PEPD: variants seen among roughly 807,000 people sequenced by gnomAD.
PEPD encodes peptidase D.
In PEPD, 53 loss-of-function variants were observed where a neutral mutation model predicts 60.7. The ratio of observed to expected loss-of-function variants is 0.87; its 90% CI spans 0.70 to 1.10. The LOEUF is 1.10. Ranked by LOEUF, PEPD falls within the 50% of genes least tolerant of loss-of-function variation. The pLI is 0.00. For synonymous variants in PEPD, 267 were observed against 284.1 expected, an observed-to-expected ratio of 0.94 and a Z score of 0.60; for missense variants, 711 against 711.9, an observed-to-expected ratio of 1.00 and a Z score of 0.01.
chr19:33,414,635 C>T (rs1431423508), intron 9 of PEPD, among the ~76,000 whole-genome samples: 3 of 149,626 alleles, frequency 2.0e-5, no homozygotes, highest in Non-Finnish European at 4.4e-5. Context: ...CCCAAGGGCA[C>T]GCCACATGGC....
intron 11 of PEPD, among the ~76,000 whole-genome samples, chr19:33,402,349 A>G (rs1237110230): frequency 1.3e-5 from 2 of 152,190 alleles, no homozygotes; most frequent in Non-Finnish European, 2.9e-5. Context: ...TGTGGGAAGC[A>G]GAGGAGGAGG....
intron 9 of PEPD, among the ~76,000 whole-genome samples, chr19:33,423,189 C>A (rs539899298): frequency 6.6e-6 from 1 of 152,298 alleles, no homozygotes; most frequent in Admixed American, 6.5e-5. Flanking sequence ...ACTGTAGTAT[C>A]CCTCAAGAGA....
intron 7 of PEPD, among the ~76,000 whole-genome samples, chr19:33,469,238 C>T (rs1970076970): frequency 6.6e-6 from 1 of 152,188 alleles, no homozygotes; most frequent in South Asian, 2.1e-4. Context: ...ACTCCTCAGC[C>T]CTGTGCCCAC....
At chr19:33,455,117 CA>C (rs1470372911) in intron 9 of PEPD, among the ~76,000 whole-genome samples, 1 of 152,004 alleles carries the variant, frequency 6.6e-6, no homozygotes, top group East Asian at 1.9e-4. Flanking sequence ...AGGAGGAGGG[CA>C]TTAGGTAAAA....
chr19:33,452,156 T>TA (rs1969711051), intron 9 of PEPD, among the ~76,000 whole-genome samples: 1 of 152,212 alleles, frequency 6.6e-6, no homozygotes, highest in South Asian at 2.1e-4. Context: ...CTGCATTCTC[T>TA]AGCTCCAATG....
At chr19:33,436,017 G>A (rs924626887) in intron 9 of PEPD, among the ~76,000 whole-genome samples, 2 of 152,190 alleles carry the variant, frequency 1.3e-5, no homozygotes, top group African/African-American at 2.4e-5. Flanking sequence ...GCAGCCCAGG[G>A]CTCCCTCTGA....
chr19:33,456,639 T>C (rs958233152), intron 9 of PEPD, among the ~76,000 whole-genome samples: 1 of 152,100 alleles, frequency 6.6e-6, no homozygotes, highest in Non-Finnish European at 1.5e-5. Context: ...AGAGAAAGGA[T>C]GTGTCTGCTC....
chr19:33,492,890 T>G (rs1300882278), intron 5 of PEPD, among the ~76,000 whole-genome samples: 2 of 152,272 alleles, frequency 1.3e-5, no homozygotes, highest in East Asian at 3.9e-4. Context: ...ATTTTTTTCT[T>G]TTTTTGAGAC....
At chr19:33,453,045 G>T (rs990796666) in intron 9 of PEPD, among the ~76,000 whole-genome samples, 6 of 152,236 alleles carry the variant, frequency 3.9e-5, no homozygotes, top group Non-Finnish European at 8.8e-5. Flanking sequence ...ACAATGGCCA[G>T]GCATGGTGGC....
At chr19:33,446,652 C>T (rs780154137) in intron 9 of PEPD, among the ~76,000 whole-genome samples, 2 of 152,220 alleles carry the variant, frequency 1.3e-5, no homozygotes, top group Non-Finnish European at 2.9e-5. Context: ...GAACTTCGGT[C>T]CCCAGCCTTG....
intron 12 of PEPD, 52 bp from the exon 13 acceptor site, chr19:33,391,531 GCAGGGC>G (rs1053009117): frequency 7.5e-6 from 11 of 1,472,230 alleles, no homozygotes; most frequent in Admixed American, 2.0e-5. Flanking sequence ...AGCCAACACC[GCAGGGC>G]CAGGGGCTGG....
chr19:33,501,083 G>A, intron 3 of PEPD, 82 bp from the exon 4 acceptor site: 1 of 848,886 alleles, frequency 1.2e-6, no homozygotes, highest in South Asian at 1.3e-5. Context: ...CCAAGCCCAG[G>A]CCATGGAGCC....
chr19:33,462,979 A>G lies in PEPD; in HGVS notation c.671+16T>C, dbSNP rs373000355. The G allele has an allele frequency of 3.9e-6, 6 of 1,553,004 alleles. No homozygotes were observed. In the African/African-American group the frequency reaches 5.4e-5, roughly 14 times the overall value. On this transcript the variant is annotated intron_variant, in intron 9 of 14. Coordinates refer to ENST00000244137, the MANE Select transcript of PEPD (RefSeq NM_000285.4). ...TTTTACCTTTTAATTTTACCCGGAGAAACATGGTGGCTTACCTTTCCAACT... is the reference window on the plus strand; with the variant it reads ...TTTTACCTTTTAATTTTACCCGGAGGAACATGGTGGCTTACCTTTCCAACT...
chr19:33,477,872 C>T (rs754112398), intron 7 of PEPD, among the ~76,000 whole-genome samples, 174 bp downstream of exon 7: 11 of 152,116 alleles, frequency 7.2e-5, no homozygotes, highest in East Asian at 3.9e-4. Flanking sequence ...AAAAAAAGTA[C>T]GGCCAGTCAA....
chr19:33,484,422 A>G (rs1351895863), intron 6 of PEPD, among the ~76,000 whole-genome samples: 1 of 152,254 alleles, frequency 6.6e-6, no homozygotes, highest in African/African-American at 2.4e-5. Flanking sequence ...AGAGTGACTC[A>G]GCACATAGAC....
Position 33,463,043 on chromosome 19 carries a change from T to C in PEPD, c.625-2A>G. 1 of 1,575,062 alleles carries C rather than the reference T, an allele frequency of 6.3e-7. No individual in the cohort carries two copies. The highest frequency in any genetic ancestry group is 8.7e-7 in the Non-Finnish European group (1 of 1,144,384). On this transcript the variant is annotated splice_acceptor_variant, in intron 8 of 14. Transcript: ENST00000244137. LOFTEE classifies it high-confidence loss of function. The stretch of plus-strand genomic sequence containing the variant: ...TCCCACTTTTACAGCCTTCATTACC[T>C]GGAGGACGGATATTAAGCAAAGACA...
At chr19:33,426,241 C>T (rs985257462) in intron 9 of PEPD, among the ~76,000 whole-genome samples, 1 of 152,170 alleles carries the variant, frequency 6.6e-6, no homozygotes, top group African/African-American at 2.4e-5. Context: ...GGACAGAATC[C>T]CCAAGTCACC....
chr19:33,442,406 C>CA (rs78376277), intron 9 of PEPD, among the ~76,000 whole-genome samples: 1,469 of 128,568 alleles, frequency 0.011, 21 homozygotes, highest in African/African-American at 0.029. Context: ...GACTCTGTCT[C>CA]AAAAAAAAAA....
At chr19:33,495,101 ACT>A (rs1283261551) in intron 4 of PEPD, among the ~76,000 whole-genome samples, 1 of 151,518 alleles carries the variant, frequency 6.6e-6, no homozygotes, top group Admixed American at 6.6e-5. Flanking sequence ...GCGCCACTGC[ACT>A]CCAGCCTGGG....
Sources: gnomAD v4.1 joint callset for allele counts (sites outside exome capture counted in the v4.1 genomes callset) on GRCh38, gnomAD v4.1.1 for gene constraint, MANE v1.5 for transcripts, NCBI Gene and HGNC (gene_info 2026-07-23, HGNC 2026-07-21) for gene names.